DEFB123: variants seen among roughly 807,000 people sequenced by gnomAD.
DEFB123 encodes defensin beta 123.
For missense variants in DEFB123, 71 were observed against 75.0 expected (o/e 0.95, Z 0.20); for synonymous variants, 22 against 28.3 (o/e 0.78, Z 0.71).
intron 1 of DEFB123, among the ~76,000 whole-genome samples, chr20:31,444,671 G>A (rs1339360168): frequency 6.6e-6 from 1 of 152,174 alleles, no homozygotes; most frequent in Non-Finnish European, 1.5e-5. Flanking sequence ...TTAAATGGTG[G>A]CTTTTTCCTT....
Position 31,449,945 on chromosome 20 carries a change from G to A in DEFB123, c.59-84G>A. 2.7e-6 allele frequency: 4 copies of A among 1,466,662 alleles called. No homozygotes were observed. The South Asian group carries it at 4.3e-5, about 16-fold the overall frequency. 90.9% of individuals were successfully genotyped at this position (1,466,662 alleles called of 1,614,324 possible). On this transcript the variant is annotated intron_variant, in intron 1 of 1. Coordinates refer to ENST00000376309, the MANE Select transcript of DEFB123 (RefSeq NM_153324.4). ...AAACAAGGGACCTTCTATCTCATCT[G>A]TTTCCATTCTTTTACAGACCTTTCA...
intron 1 of DEFB123, among the ~76,000 whole-genome samples, chr20:31,444,284 T>G (rs1242827746): frequency 6.7e-6 from 1 of 150,044 alleles, no homozygotes; most frequent in African/African-American, 2.5e-5. Flanking sequence ...ACACCTGCCC[T>G]TCCATTATAC....
At chr20:31,445,749 C>T (rs1979571987) in intron 1 of DEFB123, among the ~76,000 whole-genome samples, 1 of 152,192 alleles carries the variant, frequency 6.6e-6, no homozygotes, top group South Asian at 2.1e-4. Flanking sequence ...CCATATTGGT[C>T]AGGCTGGTCT....
intron 1 of DEFB123, among the ~76,000 whole-genome samples, chr20:31,446,317 T>TC (rs1381941049): frequency 6.6e-6 from 1 of 152,216 alleles, no homozygotes; most frequent in African/African-American, 2.4e-5. Flanking sequence ...GGATTCAGGA[T>TC]CCTGTTTCCA....
rs541307475 is a variant in DEFB123 at position 31,442,145 on chromosome 20, G to A, written c.58+1389G>A. On this transcript the variant is annotated intron_variant, in intron 1 of 1. Coordinates refer to ENST00000376309, the MANE Select transcript of DEFB123 (RefSeq NM_153324.4). ...AGTTAAATAGCACTTACAACCCAGG[G>A]TGACAAGGCACATAGGGGCTGGGCC... 1.7e-4 allele frequency among the ~76,000 whole-genome samples: 26 copies of A among 152,266 alleles called. 1 individual carries two copies. Among genetic ancestry groups the A allele is most frequent in the African/African-American group, 6.3e-4 (26 of 41,546 alleles).
chr20:31,447,676 G>A (rs1186507122), intron 1 of DEFB123, among the ~76,000 whole-genome samples: 2 of 150,682 alleles, frequency 1.3e-5, no homozygotes, highest in East Asian at 3.9e-4. Context: ...GAGTGCAGTG[G>A]CGTGACCACA....
At chr20:31,440,856 C>A in intron 1 of DEFB123, 100 bp downstream of exon 1, 1 of 1,449,268 alleles carries the variant, frequency 6.9e-7, no homozygotes, top group South Asian at 1.2e-5. Flanking sequence ...TGTCATCTAG[C>A]ACCACGTATA....
At chr20:31,449,378 C>T (rs1979678679) in intron 1 of DEFB123, among the ~76,000 whole-genome samples, 1 of 152,040 alleles carries the variant, frequency 6.6e-6, no homozygotes, top group Non-Finnish European at 1.5e-5. Context: ...ACAGGGTATT[C>T]TTTAGTCTAG....
At position 31,450,045 on chromosome 20, in the gene DEFB123, C is replaced by T. The variant is rs755846072; in HGVS notation, c.75C>T (p.Cys25=). Residue 25 remains cysteine, a synonymous_variant, in exon 2 of 2, where the codon TGC becomes TGT. Transcript: ENST00000376309. ...SQLTPGGTQR[C]WNLYGKCRYR... Reference sequence around the variant, plus strand: ...TTGTGTCAGGTGGCACCCAAAGATGCTGGAATCTTTATGGCAAATGCCGTT... The same window carrying T: ...TTGTGTCAGGTGGCACCCAAAGATGTTGGAATCTTTATGGCAAATGCCGTT... 3 of 1,610,490 alleles carry T rather than the reference C, an allele frequency of 1.9e-6. No individual in the cohort carries two copies. The highest frequency in any genetic ancestry group is 2.5e-6 in the Non-Finnish European group (3 of 1,178,514).
In DEFB123 at chr20:31,447,780, C is replaced by CTTTTTTTTTT. The variant is rs34763122; in HGVS notation, c.59-2234_59-2225dup. 2.3e-4 allele frequency among the ~76,000 whole-genome samples: 15 copies of CTTTTTTTTTT among 64,490 alleles called. 1 individual carries two copies. The highest frequency in any genetic ancestry group is 6.0e-4 in the African/African-American group (9 of 14,942). The allele number at this position is 64,490 out of a possible 152,430, so 42.3% of individuals were successfully genotyped here. On this transcript the variant is annotated intron_variant, in intron 1 of 1. Coordinates refer to ENST00000376309, the MANE Select transcript of DEFB123 (RefSeq NM_153324.4). The stretch of plus-strand genomic sequence containing the variant: ...TACAGGTGCACACCAACACACCCGG[C>CTTTTTTTTTT]TTTTTTTTTTTTTTTTTTTTTTTTG...
intron 1 of DEFB123, among the ~76,000 whole-genome samples, chr20:31,441,996 T>C (rs950740566): frequency 3.3e-5 from 5 of 152,208 alleles, no homozygotes; most frequent in Non-Finnish European, 7.3e-5. Flanking sequence ...ATATGGCTTC[T>C]CTATTTTCTC....
intron 1 of DEFB123, 96 bp downstream of exon 1, chr20:31,440,852 C>T: frequency 6.8e-7 from 1 of 1,478,428 alleles, no homozygotes; most frequent in African/African-American, 1.4e-5. Flanking sequence ...AGGTTGTCAT[C>T]TAGCACCACG....
intron 1 of DEFB123, among the ~76,000 whole-genome samples, chr20:31,446,785 A>G (rs548105363): frequency 2.4e-4 from 37 of 152,294 alleles, no homozygotes; most frequent in African/African-American, 8.4e-4. Context: ...TGCTATTGTC[A>G]TACATTTCTC....
intron 1 of DEFB123, among the ~76,000 whole-genome samples, chr20:31,447,762 G>A (rs913148524): frequency 2.1e-5 from 3 of 140,790 alleles, no homozygotes; most frequent in African/African-American, 8.0e-5. Context: ...GACTACAGGT[G>A]CACACCAACA....
intron 1 of DEFB123, among the ~76,000 whole-genome samples, chr20:31,442,110 T>C (rs1979477375): frequency 6.6e-6 from 1 of 152,118 alleles, no homozygotes; most frequent in Middle Eastern, 3.4e-3. Flanking sequence ...GGGAGCAAAC[T>C]AGGGGAGACA....
rs59939526 is a variant in DEFB123 at position 31,449,767 on chromosome 20, CAAAAAAAA to C, written c.59-244_59-237del. On this transcript the variant is annotated intron_variant, in intron 1 of 1. Transcript: ENST00000376309. The stretch of plus-strand genomic sequence containing the variant: ...CTAGGTGACAGAGCAAGACTCATCT[CAAAAAAAA>C]AAAAAAAAAAAAAAAAAGACAATCC... 2.5e-4 allele frequency among the ~76,000 whole-genome samples: 13 copies of C among 52,520 alleles called. 1 individual carries two copies. The highest frequency in any genetic ancestry group is 1.3e-3 in the East Asian group (1 of 784). 34.5% of individuals were successfully genotyped at this position (52,520 alleles called of 152,430 possible). A position where few individuals can be genotyped will look rare whatever the true frequency, so the allele number is the denominator to read the frequency against.
At chr20:31,449,794 A>G (rs975068572) in intron 1 of DEFB123, among the ~76,000 whole-genome samples, 1 of 144,412 alleles carries the variant, frequency 6.9e-6, no homozygotes, top group Non-Finnish European at 1.5e-5. Flanking sequence ...AAAAAAAAAG[A>G]CAATCCGCAC....
Position 31,450,207 on chromosome 20 carries a change from A to G in DEFB123, c.*33A>G, listed in dbSNP as rs960966220. 4 of 1,582,436 alleles carry G rather than the reference A, an allele frequency of 2.5e-6. No individual in the cohort carries two copies. In the East Asian group the frequency reaches 6.9e-5, roughly 27 times the overall value. On this transcript the variant is annotated 3_prime_UTR_variant, in exon 2 of 2. Coordinates refer to ENST00000376309, the MANE Select transcript of DEFB123 (RefSeq NM_153324.4). ...GAAGCCTGAAGCCATGAAAATGCAG[A>G]TGAAGCTCCCAGTGGATTCCCACAC...
chr20:31,441,770 GC>G (rs1362768930), intron 1 of DEFB123, among the ~76,000 whole-genome samples: 3 of 152,082 alleles, frequency 2.0e-5, no homozygotes, highest in African/African-American at 7.2e-5. Flanking sequence ...TCTTCCTGAG[GC>G]CCTAAAACAC....
Sources: gnomAD v4.1 joint callset for allele counts (sites outside exome capture counted in the v4.1 genomes callset) on GRCh38, gnomAD v4.1.1 for gene constraint, MANE v1.5 for transcripts, NCBI Gene and HGNC (gene_info 2026-07-23, HGNC 2026-07-21) for gene names.